Variants in RBFOX1 observed in about 807,000 individuals in gnomAD.
RBFOX1 encodes RNA binding protein fox-1 homolog 1.
In RBFOX1, 8 loss-of-function variants were observed where a neutral mutation model predicts 57.7. The ratio of observed to expected loss-of-function variants is 0.14; its 90% confidence interval spans 0.08 to 0.25. The LOEUF is 0.25. RBFOX1 is among the 10% of genes least tolerant of loss of function. The probability of loss-of-function intolerance (pLI) is 1.00; values close to 1 mark genes in which losing one functional copy is unlikely to be tolerated. For synonymous variants in RBFOX1, 326 were observed against 222.4 expected (o/e 1.47, Z -4.15); for missense variants, 611 against 548.5 (o/e 1.11, Z -1.14).
intron 4 of RBFOX1, among the ~76,000 whole-genome samples, chr16:7,232,090 A>G (rs2093531581): frequency 1.3e-5 from 2 of 152,046 alleles, no homozygotes; most frequent in Non-Finnish European, 2.9e-5. Context: ...CAGTGGCACA[A>G]TCGGCTCACT....
At chr16:5,756,852 T>C (rs1240547503) in intron 3 of RBFOX1, among the ~76,000 whole-genome samples, 1 of 152,208 alleles carries the variant, frequency 6.6e-6, no homozygotes, top group African/African-American at 2.4e-5. Flanking sequence ...ACTGAGTGTT[T>C]ATTGCATGCA....
intron 3 of RBFOX1, among the ~76,000 whole-genome samples, chr16:6,755,210 G>T (rs992528089): frequency 7.9e-5 from 12 of 152,196 alleles, no homozygotes; most frequent in African/African-American, 1.2e-4. Context: ...AGTCCTTTGG[G>T]TGTATACCCA....
intron 4 of RBFOX1, among the ~76,000 whole-genome samples, chr16:7,430,825 T>G (rs373315837): frequency 3.0e-4 from 45 of 152,312 alleles, no homozygotes; most frequent in African/African-American, 9.9e-4. Flanking sequence ...CTTTTTATAA[T>G]CTAAGCATCC....
At chr16:6,020,243 G>C (rs2095042406) in intron 1 of RBFOX1, among the ~76,000 whole-genome samples, 1 of 152,054 alleles carries the variant, frequency 6.6e-6, no homozygotes, top group African/African-American at 2.4e-5. Context: ...CCTTGCCCCA[G>C]AGCGCCCCTC....
intron 3 of RBFOX1, among the ~76,000 whole-genome samples, chr16:6,735,127 C>G (rs970171549): frequency 1.3e-5 from 2 of 152,118 alleles, no homozygotes; most frequent in African/African-American, 4.8e-5. Context: ...CCAGCCTGGG[C>G]AGCAGAGTGA....
chr16:7,237,655 A>G (rs757012716), intron 4 of RBFOX1, among the ~76,000 whole-genome samples: 1 of 152,208 alleles, frequency 6.6e-6, no homozygotes, highest in Non-Finnish European at 1.5e-5. Flanking sequence ...CCATGCACAG[A>G]CAAGGGAATA....
chr16:6,316,613 C>T (rs916779463), intron 1 of RBFOX1, among the ~76,000 whole-genome samples: 12 of 152,146 alleles, frequency 7.9e-5, no homozygotes, highest in African/African-American at 2.7e-4. Context: ...TGAACACCTC[C>T]TGTGACAAGA....
chr16:7,160,105 A>G (rs917481201), intron 4 of RBFOX1, among the ~76,000 whole-genome samples: 3 of 152,300 alleles, frequency 2.0e-5, no homozygotes, highest in Non-Finnish European at 4.4e-5. Context: ...ATTTCTTACC[A>G]CAACAGAATA....
intron 2 of RBFOX1, among the ~76,000 whole-genome samples, chr16:5,551,342 C>A (rs911380774): frequency 6.6e-6 from 1 of 152,170 alleles, no homozygotes; most frequent in South Asian, 2.1e-4. Context: ...GATACATGTG[C>A]GAGGCTCCCT....
At chr16:6,163,683 G>A (rs1012229293) in intron 1 of RBFOX1, among the ~76,000 whole-genome samples, 14 of 152,214 alleles carry the variant, frequency 9.2e-5, no homozygotes, top group African/African-American at 2.9e-4. Flanking sequence ...AAATGTTTCC[G>A]CAGATCATAT....
At chr16:7,134,003 A>G (rs1199446449) in intron 4 of RBFOX1, among the ~76,000 whole-genome samples, 1 of 152,200 alleles carries the variant, frequency 6.6e-6, no homozygotes, top group Non-Finnish European at 1.5e-5. Context: ...TAAGCCTTGC[A>G]ATATTTGAAG....
intron 3 of RBFOX1, among the ~76,000 whole-genome samples, chr16:6,992,986 C>G (rs191004582): frequency 8.5e-5 from 13 of 152,090 alleles, no homozygotes; most frequent in Admixed American, 8.5e-4. Flanking sequence ...AACATAAAGC[C>G]GAGAGCCTGA....
rs373624574 is a variant in RBFOX1, at chr16:5,368,078, A to T, written c.220-99138A>T. ...ACCCACATGAGCTCTAACCAGTCACAAATCAGTTCAGCCCATTAGATTTGT... is the reference window on the plus strand; with the variant it reads ...ACCCACATGAGCTCTAACCAGTCACTAATCAGTTCAGCCCATTAGATTTGT... On this transcript the variant is annotated intron_variant, in intron 1 of 2. Coordinates refer to the RBFOX1 transcript ENST00000585867. 2.6e-5 allele frequency among the ~76,000 whole-genome samples: 4 copies of T among 152,354 alleles called. No homozygotes were observed. The East Asian group carries it at 7.7e-4, about 29-fold the overall frequency.
At chr16:7,250,060 C>T (rs1009558975) in intron 4 of RBFOX1, among the ~76,000 whole-genome samples, 15 of 152,074 alleles carry the variant, frequency 9.9e-5, no homozygotes, top group Admixed American at 5.9e-4. Context: ...TCTAAGAATC[C>T]CTCCCCCTTT....
At chr16:5,797,940 A>G (rs1395731312) in intron 3 of RBFOX1, among the ~76,000 whole-genome samples, 4 of 152,216 alleles carry the variant, frequency 2.6e-5, no homozygotes, top group Non-Finnish European at 4.4e-5. Context: ...ACACCATAGA[A>G]GAGATGCTCA....
intron 2 of RBFOX1, among the ~76,000 whole-genome samples, chr16:6,534,857 A>G (rs141178102): frequency 6.6e-6 from 1 of 152,282 alleles, no homozygotes; most frequent in East Asian, 1.9e-4. Flanking sequence ...AGTTCATGTA[A>G]TTACACATGA....
chr16:7,298,192 A>G (rs1049784645), intron 4 of RBFOX1, among the ~76,000 whole-genome samples: 3 of 145,284 alleles, frequency 2.1e-5, no homozygotes, highest in Admixed American at 7.0e-5. Context: ...TGTTTCCCCT[A>G]TTGCTGTTTA....
chr16:6,945,426 A>G (rs537023399), intron 3 of RBFOX1, among the ~76,000 whole-genome samples: 5 of 152,200 alleles, frequency 3.3e-5, no homozygotes, highest in South Asian at 2.1e-4. Context: ...TGTAGATCCA[A>G]TGGTGCCAGA....
chr16:6,082,294 C>T (rs2096013938), intron 1 of RBFOX1, among the ~76,000 whole-genome samples: 1 of 147,086 alleles, frequency 6.8e-6, no homozygotes, highest in South Asian at 2.2e-4. Context: ...GATTCTCCTG[C>T]CTCAGCCTCC....
Sources: gnomAD v4.1 joint callset for allele counts (sites outside exome capture counted in the v4.1 genomes callset) on GRCh38, gnomAD v4.1.1 for gene constraint, MANE v1.5 for transcripts, NCBI Gene and HGNC (gene_info 2026-07-23, HGNC 2026-07-21) for gene names.